Variants in TOM1 observed in about 807,000 individuals in gnomAD.
TOM1 encodes target of Myb protein 1.
A neutral mutation model predicts 61.3 loss-of-function variants in TOM1; 38 were observed. The observed-to-expected ratio is 0.62, with a 90% CI of 0.48 to 0.81. The LOEUF is 0.81. TOM1 is among the 40% of genes least tolerant of loss of function. TOM1 has a pLI of 0.00. For synonymous variants in TOM1, 270 were observed against 268.8 expected, an observed-to-expected ratio of 1.00 and a Z score of -0.04; for missense variants, 591 against 659.6, an observed-to-expected ratio of 0.90 and a Z score of 1.14.
At chr22:35,321,897 G>A (rs1054806637) in intron 2 of TOM1, 62 bp from the exon 3 acceptor site, 5 of 1,386,930 alleles carry the variant, frequency 3.6e-6, no homozygotes, top group South Asian at 2.3e-5. Flanking sequence ...ACTCTCCAGG[G>A]TCTCTGGTGT....
Position 35,347,391 on chromosome 22 carries a change from G to C in TOM1, c.*182G>C. On this transcript the variant is annotated 3_prime_UTR_variant, in exon 15 of 15. Coordinates refer to ENST00000449058, the MANE Select transcript of TOM1 (RefSeq NM_005488.3). Reference sequence around the variant, plus strand: ...GGGTGTGGAGGCAGTGGGATGAACTGGGGGACAGGTCTGCGCTGCAGTGGG... The same window carrying C: ...GGGTGTGGAGGCAGTGGGATGAACTCGGGGACAGGTCTGCGCTGCAGTGGG... 1 of 588,178 alleles carries C rather than the reference G, an allele frequency of 1.7e-6. No homozygotes were observed. The highest frequency in any genetic ancestry group is 2.9e-6 in the Non-Finnish European group (1 of 347,230). 36.4% of individuals were successfully genotyped at this position (588,178 alleles called of 1,614,324 possible). A position where few individuals can be genotyped will look rare whatever the true frequency, so the allele number is the denominator to read the frequency against.
At chr22:35,305,945 A>G (rs1339612282) in intron 1 of TOM1, among the ~76,000 whole-genome samples, 3 of 152,294 alleles carry the variant, frequency 2.0e-5, no homozygotes, top group East Asian at 3.9e-4. Context: ...ATAAAGGGCC[A>G]GATAGTAAAT....
In TOM1 at chr22:35,323,383, G is replaced by A. The variant is rs7285466; in HGVS notation, c.367-113G>A. ...CTGTGGAGTGGGCAGGGCAGATGTA[G>A]TTAAAAAAAAAAAAAAAGCAGGGAA... On this transcript the variant is annotated intron_variant, in intron 4 of 14. Coordinates refer to ENST00000449058, the MANE Select transcript of TOM1 (RefSeq NM_005488.3). This position sits in a 1 kb window ranked among gnomAD's most constrained non-coding sequence, Gnocchi z 4.2. 79 of 1,304,360 alleles carry A rather than the reference G, an allele frequency of 6.1e-5. No individual in the cohort carries two copies. The highest frequency in any genetic ancestry group is 1.5e-5 in the Non-Finnish European group (14 of 948,522). 80.8% of individuals were successfully genotyped at this position (1,304,360 alleles called of 1,614,324 possible).
intron 6 of TOM1, among the ~76,000 whole-genome samples, chr22:35,326,452 C>G (rs117831641): frequency 0.013 from 1,973 of 152,352 alleles, 14 homozygotes; most frequent in Non-Finnish European, 0.018. Context: ...AGCCCAACTC[C>G]TTGGAACCCT....
chr22:35,299,724 C>T (rs1238073889), upstream of TOM1: 5 of 606,876 alleles, frequency 8.2e-6, no homozygotes, highest in Non-Finnish European at 1.4e-5. Flanking sequence ...CCGCCGCCGC[C>T]GAGCAAGCCG....
chr22:35,331,056 C>T (rs1928794933), intron 8 of TOM1, among the ~76,000 whole-genome samples: 2 of 150,562 alleles, frequency 1.3e-5, no homozygotes, highest in South Asian at 4.2e-4. Flanking sequence ...TCAATAAATA[C>T]ATCAGCTCAA....
At position 35,332,930 on chromosome 22, in the gene TOM1, G is replaced by A. The variant is rs766810565; in HGVS notation, c.900-51G>A. The A allele has an allele frequency of 2.5e-6, 4 of 1,597,606 alleles. No individual in the cohort carries two copies. The South Asian group carries it at 3.3e-5, about 13-fold the overall frequency. On this transcript the variant is annotated intron_variant, in intron 8 of 14. Transcript: ENST00000449058. ...TGAAAAGCTCTGCCTGGCCGTGTGTGGGGGCCTGTCTCAGTCTGTCTCCAT... is the reference window on the plus strand; with the variant it reads ...TGAAAAGCTCTGCCTGGCCGTGTGTAGGGGCCTGTCTCAGTCTGTCTCCAT...
rs781020541 is a variant in TOM1 at position 35,323,211 on chromosome 22, A to T, written c.366+34A>T. The T allele has an allele frequency of 1.3e-5, 21 of 1,608,884 alleles. No homozygotes were observed. The highest frequency in any genetic ancestry group is 1.8e-5 in the Non-Finnish European group (21 of 1,179,508). ...CAGGACAGGGCAGGGCACGGCCAGGAAGAGCTGTCAGTGCAGGAGCTTCCT... is the reference window on the plus strand; with the variant it reads ...CAGGACAGGGCAGGGCACGGCCAGGTAGAGCTGTCAGTGCAGGAGCTTCCT... On this transcript the variant is annotated intron_variant, in intron 4 of 14. Transcript: ENST00000449058. This position sits in a 1 kb window ranked among gnomAD's most constrained non-coding sequence, Gnocchi z 4.2.
At chr22:35,301,243 T>TAC (rs149137970) in intron 1 of TOM1, among the ~76,000 whole-genome samples, 7 of 150,654 alleles carry the variant, frequency 4.6e-5, no homozygotes, top group South Asian at 2.1e-4. Flanking sequence ...CACATACACA[T>TAC]ACACACACAC....
At position 35,323,004 on chromosome 22, in the gene TOM1, C is replaced by T. The variant is rs764750596; in HGVS notation, c.217-24C>T. The stretch of plus-strand genomic sequence containing the variant: ...CCTCCTCTCCTCTGACCAAGGTGCT[C>T]GACGGCACCTCTCGGCCCTCCAGGT... On this transcript the variant is annotated intron_variant, in intron 3 of 14. Coordinates refer to ENST00000449058, the MANE Select transcript of TOM1 (RefSeq NM_005488.3). This position sits in a 1 kb window ranked among gnomAD's most constrained non-coding sequence, Gnocchi z 4.2. The T allele has an allele frequency of 8.7e-6, 14 of 1,612,654 alleles. No homozygotes were observed. In the South Asian group the frequency reaches 8.8e-5, roughly 10 times the overall value.
rs139553640 is a variant in TOM1, at chr22:35,301,048, C to CAAAAAAAA, written c.52+1082_52+1089dup. Among the ~76,000 whole-genome samples the CAAAAAAAA allele has an allele frequency of 2.0e-4, 22 of 111,206 alleles. 1 individual carries two copies. The highest frequency in any genetic ancestry group is 9.2e-4 in the African/African-American group (22 of 23,978). 73.0% of individuals were successfully genotyped at this position (111,206 alleles called of 152,430 possible). A position where few individuals can be genotyped will look rare whatever the true frequency, so the allele number is the denominator to read the frequency against. On this transcript the variant is annotated intron_variant, in intron 1 of 14. Transcript: ENST00000449058. ...GCAACATGGCGAGACCCCGTCTCTA[C>CAAAAAAAA]AAAAAAAAAAAAAAAAAAAAATACA...
intron 1 of TOM1, among the ~76,000 whole-genome samples, chr22:35,308,529 G>A (rs190834819): frequency 2.0e-5 from 3 of 152,016 alleles, no homozygotes; most frequent in East Asian, 1.9e-4. Flanking sequence ...TGATCCTCCC[G>A]CCTTGGCCTC....
chr22:35,316,471 G>A (rs1488480300), intron 1 of TOM1, among the ~76,000 whole-genome samples: 1 of 152,196 alleles, frequency 6.6e-6, no homozygotes, highest in Non-Finnish European at 1.5e-5. Context: ...CTGGCATTGC[G>A]AGTTCCTGCG....
chr22:35,345,341 C>T (rs1047783432), intron 12 of TOM1: 2 of 268,228 alleles, frequency 7.5e-6, no homozygotes, highest in East Asian at 1.6e-4. Flanking sequence ...TGACCCTGGG[C>T]TTGGCGTGTC....
chr22:35,344,789 C>T (rs533196069), intron 12 of TOM1: 1 of 152,334 alleles, frequency 6.6e-6, no homozygotes, highest in Admixed American at 6.5e-5. Context: ...AGGAACTGGC[C>T]TATTGGTTTC....
At chr22:35,316,931 C>T (rs1170996433) in intron 1 of TOM1, among the ~76,000 whole-genome samples, 1 of 152,020 alleles carries the variant, frequency 6.6e-6, no homozygotes, top group Non-Finnish European at 1.5e-5. Context: ...CTGGGTGGCT[C>T]GGCATCGGTC....
chr22:35,330,319 G>T, intron 7 of TOM1, 28 bp from the exon 8 acceptor site: 1 of 1,593,240 alleles, frequency 6.3e-7, no homozygotes. Context: ...TCATGTGACT[G>T]TGGTTGCCTC....
chr22:35,321,934 C>G, intron 2 of TOM1, 25 bp from the exon 3 acceptor site: 1 of 1,608,750 alleles, frequency 6.2e-7, no homozygotes, highest in Non-Finnish European at 8.5e-7. Context: ...ATTCCTAAGC[C>G]CACCCTTTTT....
chr22:35,331,199 A>T (rs1928812076), intron 8 of TOM1: 1 of 393,518 alleles, frequency 2.5e-6, no homozygotes, highest in African/African-American at 2.1e-5. Flanking sequence ...GGGCTCAAGC[A>T]GTCCTCCCAC....
Sources: gnomAD v4.1 joint callset for allele counts (sites outside exome capture counted in the v4.1 genomes callset) on GRCh38, gnomAD v4.1.1 for gene constraint, Gnocchi (gnomAD v3.1) non-coding constraint, MANE v1.5 for transcripts, NCBI Gene and HGNC (gene_info 2026-07-23, HGNC 2026-07-21) for gene names.